KIF4A: variants seen among roughly 807,000 people sequenced by gnomAD.
KIF4A encodes the protein kinesin family member 4A, also known as chromosome-associated kinesin KIF4A.
KIF4A carries 7 observed loss-of-function variants against 105.9 expected under a neutral mutation model. The observed-to-expected ratio is 0.07, with a 90% CI of 0.04 to 0.12. The LOEUF is 0.12. KIF4A is among the 10% of genes least tolerant of loss of function. KIF4A has a pLI of 1.00. For synonymous variants in KIF4A, 281 were observed against 331.3 expected, an observed-to-expected ratio of 0.85 and a Z score of 1.65; for missense variants, 558 against 929.2, an observed-to-expected ratio of 0.60 and a Z score of 5.19.
intron 15 of KIF4A, among the ~76,000 whole-genome samples, chrX:70,364,512 G>T (rs1229880257): frequency 2.8e-5 from 3 of 108,045 alleles, no homozygotes; most frequent in African/African-American, 3.4e-5. Flanking sequence ...TTTCCCCATT[G>T]CTTGTTTTTG....
At chrX:70,383,520 T>A (rs369259105) in intron 18 of KIF4A, among the ~76,000 whole-genome samples, 14 of 111,993 alleles carry the variant, frequency 1.3e-4, no homozygotes, top group African/African-American at 3.9e-4. Context: ...ATCCAGCAAT[T>A]CCACTCTTAG....
chrX:70,381,892 G>A (rs1319807677), intron 18 of KIF4A, among the ~76,000 whole-genome samples: 4 of 111,904 alleles, frequency 3.6e-5, no homozygotes, highest in African/African-American at 6.5e-5. Flanking sequence ...GAACAAATTT[G>A]TAAATGTCAC....
At chrX:70,333,591 TG>T in intron 9 of KIF4A, 36 bp from the exon 10 acceptor site, 5 of 1,048,904 alleles carry the variant, frequency 4.8e-6, no homozygotes, top group Non-Finnish European at 6.7e-6. Flanking sequence ...AGCATTTGGT[TG>T]GTGACTAGCT....
chrX:70,352,781 GA>G, intron 14 of KIF4A, 125 bp downstream of exon 14: 3 of 441,468 alleles, frequency 6.8e-6, no homozygotes, highest in Non-Finnish European at 7.9e-6. Context: ...GTTAAATCCA[GA>G]AATCTTTAGT....
intron 18 of KIF4A, among the ~76,000 whole-genome samples, chrX:70,379,896 CT>C (rs1163339500): frequency 9.0e-6 from 1 of 111,131 alleles, no homozygotes; most frequent in African/African-American, 3.3e-5. Flanking sequence ...TTTGTGTTCC[CT>C]GATACCAAAA....
At chrX:70,384,768 A>G (rs2086210947) in intron 18 of KIF4A, among the ~76,000 whole-genome samples, 1 of 110,715 alleles carries the variant, frequency 9.0e-6, no homozygotes, top group Admixed American at 9.7e-5. Flanking sequence ...AAACTTTGGG[A>G]GTAATGAGAT....
intron 9 of KIF4A, among the ~76,000 whole-genome samples, chrX:70,333,095 T>G (rs1254327122): frequency 9.1e-6 from 1 of 110,148 alleles, no homozygotes. Context: ...GCCCCGCACT[T>G]TGGGAGGACG....
At chrX:70,374,447 G>A (rs1302655824) in intron 16 of KIF4A, among the ~76,000 whole-genome samples, 193 bp downstream of exon 16, 1 of 111,913 alleles carries the variant, frequency 8.9e-6, no homozygotes, top group Admixed American at 9.5e-5. Flanking sequence ...GTAAAAGAAT[G>A]TCATAACACA....
intron 15 of KIF4A, among the ~76,000 whole-genome samples, chrX:70,354,190 C>A (rs1298295409): frequency 8.9e-6 from 1 of 112,759 alleles, no homozygotes; most frequent in African/African-American, 3.2e-5. Flanking sequence ...CATGACTTGA[C>A]AAATGGCTAA....
chrX:70,409,065 A>G (rs1055010386), intron 28 of KIF4A, among the ~76,000 whole-genome samples: 2 of 111,200 alleles, frequency 1.8e-5, no homozygotes, highest in Non-Finnish European at 3.8e-5. Flanking sequence ...GGGTTTCTCC[A>G]TGTTGGTCAG....
chrX:70,344,751 A>G lies in KIF4A; in HGVS notation c.1431+769A>G, dbSNP rs1602759418. Among the ~76,000 whole-genome samples the G allele has an allele frequency of 2.7e-5, 3 of 111,942 alleles. No individual in the cohort carries two copies. In the South Asian group the frequency reaches 1.1e-3, roughly 42 times the overall value. On this transcript the variant is annotated intron_variant, in intron 13 of 30. Coordinates refer to ENST00000374403, the MANE Select transcript of KIF4A (RefSeq NM_012310.5). ...TTCCTAGCTCTTGGGCAGAGATTTT[A>G]ATTTTACCAGAACCATGAGACTGTA...
chrX:70,303,954 T>A (rs961359563), intron 7 of KIF4A, among the ~76,000 whole-genome samples: 5 of 104,940 alleles, frequency 4.8e-5, no homozygotes, highest in Non-Finnish European at 9.8e-5. Context: ...TTATTATTAT[T>A]ATACTTTAAG....
chrX:70,363,746 G>A (rs2086087963), intron 15 of KIF4A, among the ~76,000 whole-genome samples: 2 of 111,656 alleles, frequency 1.8e-5, no homozygotes, highest in South Asian at 7.5e-4. Flanking sequence ...TAATCCTTTG[G>A]GTATATACCC....
chrX:70,397,473 GC>G (rs1032651051), intron 22 of KIF4A, among the ~76,000 whole-genome samples: 1 of 111,977 alleles, frequency 8.9e-6, no homozygotes, highest in Non-Finnish European at 1.9e-5. Context: ...CTCAGTGAAG[GC>G]CGCACTTTCT....
At chrX:70,398,005 A>G (rs1429228884) in intron 22 of KIF4A, among the ~76,000 whole-genome samples, 1 of 111,547 alleles carries the variant, frequency 9.0e-6, no homozygotes, top group Non-Finnish European at 1.9e-5. Flanking sequence ...GTTACAAATC[A>G]GGGCTGGGGT....
intron 20 of KIF4A, among the ~76,000 whole-genome samples, chrX:70,390,237 G>A (rs2147731346): frequency 9.0e-6 from 1 of 110,960 alleles, no homozygotes; most frequent in South Asian, 3.8e-4. Context: ...CTGCAAATAT[G>A]GACAATTTTA....
chrX:70,416,082 G>A (rs949855545), intron 28 of KIF4A, among the ~76,000 whole-genome samples: 4 of 109,334 alleles, frequency 3.7e-5, no homozygotes, highest in Admixed American at 9.9e-5. Flanking sequence ...GGTCAGGCTG[G>A]TCTTGAACTT....
chrX:70,332,810 G>A lies in KIF4A; in HGVS notation c.1072-818G>A, dbSNP rs1340359817. ...AACAGCTCCCCTTGTGTCATAGGAG[G>A]GAATGGGAGAGGATGCTTACACTTG... On this transcript the variant is annotated intron_variant, in intron 9 of 30. Transcript: ENST00000374403. 3.6e-5 allele frequency among the ~76,000 whole-genome samples: 4 copies of A among 111,019 alleles called. No individual in the cohort carries two copies. The Admixed American group carries it at 3.8e-4, about 11-fold the overall frequency.
At chrX:70,368,389 T>G (rs752228871) in intron 15 of KIF4A, among the ~76,000 whole-genome samples, 21 of 112,088 alleles carry the variant, frequency 1.9e-4, no homozygotes, top group Non-Finnish European at 3.4e-4. Context: ...TTTATCTACC[T>G]TTGGTCTTTG....
Sources: allele counts gnomAD v4.1 joint callset (sites outside exome capture counted in the v4.1 genomes callset), GRCh38; gene constraint gnomAD v4.1.1; transcripts MANE v1.5; gene names NCBI Gene and HGNC (gene_info 2026-07-23, HGNC 2026-07-21).